The following SCGB2B2 variants were observed in gnomAD, a reference collection of about 807,000 sequenced individuals.
SCGB2B2 encodes the protein secretoglobin family 2B member 2.
Under a neutral mutation model 7.6 loss-of-function variants are expected in SCGB2B2, and 11 were observed. The ratio of observed to expected loss-of-function variants is 1.45; its 90% CI spans 0.91 to 2.40. SCGB2B2 has a LOEUF of 2.40. SCGB2B2 is among the 30% of genes most tolerant of loss of function. SCGB2B2 has a pLI of 0.00. For synonymous variants in SCGB2B2, 50 were observed against 48.6 expected, an observed-to-expected ratio of 1.03 and a Z score of -0.12; for missense variants, 104 against 115.4, an observed-to-expected ratio of 0.90 and a Z score of 0.45.
downstream of SCGB2B2, among the ~76,000 whole-genome samples, chr19:34,586,929 C>T (rs754843514): frequency 1.3e-5 from 2 of 152,108 alleles, no homozygotes; most frequent in Admixed American, 6.5e-5. Context: ...TTCTTTGAGA[C>T]GGAGTTTCAC....
At chr19:34,639,673 C>T (rs1055685467) in intron 1 of SCGB2B2, among the ~76,000 whole-genome samples, 15 of 152,312 alleles carry the variant, frequency 9.8e-5, no homozygotes, top group African/African-American at 3.6e-4. Flanking sequence ...TCTGCTCAAA[C>T]ACCACCAGGA....
intron 1 of SCGB2B2, chr19:34,637,650 GTT>G (rs2066723193): frequency 6.5e-6 from 1 of 154,940 alleles, no homozygotes; most frequent in Non-Finnish European, 1.5e-5. Context: ...TGCTAAAATG[GTT>G]GATAATAAAT....
intron 1 of SCGB2B2, among the ~76,000 whole-genome samples, chr19:34,641,458 T>C (rs993537092): frequency 6.6e-6 from 1 of 152,202 alleles, no homozygotes; most frequent in Non-Finnish European, 1.5e-5. Flanking sequence ...CAAAATCCAA[T>C]GGCTGACCCA....
At chr19:34,612,953 C>A (rs760864872) in intron 1 of SCGB2B2, among the ~76,000 whole-genome samples, 11 of 152,084 alleles carry the variant, frequency 7.2e-5, no homozygotes, top group Non-Finnish European at 1.5e-4. Flanking sequence ...GTCATGGAGT[C>A]ATTTATCCTT....
At chr19:34,612,018 AATTCTTTTTTTTTTT>A (rs1434722684) in intron 1 of SCGB2B2, among the ~76,000 whole-genome samples, 4 of 78,612 alleles carry the variant, frequency 5.1e-5, no homozygotes, top group Admixed American at 1.5e-4. Flanking sequence ...TGTTTTAGAA[AATTCTTTTTTTTTTT>A]TTTTTTTTTT....
intron 1 of SCGB2B2, among the ~76,000 whole-genome samples, chr19:34,659,408 T>C (rs1050042115): frequency 1.3e-5 from 2 of 152,288 alleles, no homozygotes; most frequent in South Asian, 2.1e-4. Context: ...TCAGCCAAAA[T>C]CTCCTTAAGC....
downstream of SCGB2B2, among the ~76,000 whole-genome samples, chr19:34,585,939 AGTT>A (rs1261392875): frequency 7.9e-5 from 12 of 152,244 alleles, no homozygotes; most frequent in Admixed American, 3.3e-4. Flanking sequence ...TGTTTATTAA[AGTT>A]GTTATTTTGT....
At chr19:34,660,369 T>C (rs2067418440) in intron 1 of SCGB2B2, among the ~76,000 whole-genome samples, 1 of 152,086 alleles carries the variant, frequency 6.6e-6, no homozygotes, top group Non-Finnish European at 1.5e-5. Flanking sequence ...TGGAGAAAAT[T>C]TTCGTAATCT....
intron 1 of SCGB2B2, among the ~76,000 whole-genome samples, chr19:34,656,385 C>G (rs1298191851): frequency 6.6e-6 from 1 of 151,302 alleles, no homozygotes; most frequent in African/African-American, 2.5e-5. Flanking sequence ...GGGCAGATCA[C>G]TTGAGCCAGG....
At position 34,611,608 on chromosome 19, in the gene SCGB2B2, T is replaced by C. The variant is rs8106445; in HGVS notation, c.-2031-15014A>G. On this transcript the variant is annotated intron_variant, in intron 1 of 3. Coordinates refer to ENST00000601241, the MANE Select transcript of SCGB2B2 (RefSeq NM_001025591.4). ...GCTGCATCCCCCAGGCTTTTGTATG[T>C]TGCATTTCTATTTTAATTTGTTTCA... is the stretch of plus-strand genomic sequence containing the variant. Among the ~76,000 whole-genome samples the C allele has an allele frequency of 3.2e-3, 481 of 152,094 alleles. 1 individual carries two copies. The highest frequency in any genetic ancestry group is 0.011 in the African/African-American group (458 of 41,506).
intron 1 of SCGB2B2, among the ~76,000 whole-genome samples, chr19:34,652,951 A>T (rs1362751698): frequency 6.6e-6 from 1 of 151,340 alleles, no homozygotes. Context: ...CATGGAATCG[A>T]CTTAAGTGTC....
rs144564676 is a variant in SCGB2B2, at chr19:34,594,767, C to T, written c.-204G>A. Reference sequence around the variant, plus strand: ...CTGGGCCATGCTGTTGGGGTGGCAGCGTATCGGGAACTGGACTCAGCATGC... The same window carrying T: ...CTGGGCCATGCTGTTGGGGTGGCAGTGTATCGGGAACTGGACTCAGCATGC... On this transcript the variant is annotated 5_prime_UTR_variant, in exon 2 of 4. Coordinates refer to ENST00000601241, the MANE Select transcript of SCGB2B2 (RefSeq NM_001025591.4). 8.3e-6 allele frequency: 5 copies of T among 602,264 alleles called. No homozygotes were observed. Among genetic ancestry groups the T allele is most frequent in the Admixed American group, 2.5e-5 (1 of 40,076 alleles). 37.3% of individuals were successfully genotyped at this position (602,264 alleles called of 1,614,324 possible).
At position 34,595,553 on chromosome 19, in the gene SCGB2B2, T is replaced by C. The variant is rs74423165; in HGVS notation, c.-990A>G. The C allele has an allele frequency of 0.013, 2,047 of 152,632 alleles. 15 individuals carry two copies. Among genetic ancestry groups the C allele is most frequent in the Middle Eastern group, 0.024 (7 of 294 alleles). The allele number at this position is 152,632 out of a possible 1,614,324, so 9.5% of individuals were successfully genotyped here. A position where few individuals can be genotyped will look rare whatever the true frequency, so the allele number is the denominator to read the frequency against. ...TGTTTCAAAGAAGTGTCTTTCTCCCTGAGCACAGTGTTTACAGAGAAGACA... is the reference window on the plus strand; with the variant it reads ...TGTTTCAAAGAAGTGTCTTTCTCCCCGAGCACAGTGTTTACAGAGAAGACA... On this transcript the variant is annotated 5_prime_UTR_variant, in exon 2 of 4. Transcript: ENST00000601241.
intron 1 of SCGB2B2, among the ~76,000 whole-genome samples, chr19:34,614,527 A>T: frequency 6.6e-6 from 1 of 151,922 alleles, no homozygotes; most frequent in Non-Finnish European, 1.5e-5. Context: ...GATTTTATTG[A>T]ATTGTGTCTG....
intron 1 of SCGB2B2, among the ~76,000 whole-genome samples, chr19:34,613,196 T>A (rs1420107953): frequency 6.6e-6 from 1 of 152,048 alleles, no homozygotes; most frequent in East Asian, 1.9e-4. Flanking sequence ...CCTCCTGGGT[T>A]CAAGTGATTC....
chr19:34,611,591 C>A (rs1184666099), intron 1 of SCGB2B2, among the ~76,000 whole-genome samples: 1 of 151,856 alleles, frequency 6.6e-6, no homozygotes, highest in East Asian at 1.9e-4. Context: ...CTGCTGCATC[C>A]CCCAGGCTTT....
chr19:34,660,259 GC>G (rs1465667234), intron 1 of SCGB2B2, among the ~76,000 whole-genome samples: 1 of 152,162 alleles, frequency 6.6e-6, no homozygotes, highest in African/African-American at 2.4e-5. Flanking sequence ...AAAAGCAATG[GC>G]AACAAAAGCC....
chr19:34,594,450 A>C, intron 2 of SCGB2B2, 53 bp downstream of exon 2: 1 of 1,604,194 alleles, frequency 6.2e-7, no homozygotes, highest in Non-Finnish European at 8.5e-7. Context: ...TGGTGATGAG[A>C]GTGAAGGAGC....
intron 1 of SCGB2B2, among the ~76,000 whole-genome samples, chr19:34,599,792 T>C (rs2065570449): frequency 6.6e-6 from 1 of 152,050 alleles, no homozygotes; most frequent in Non-Finnish European, 1.5e-5. Context: ...GCCTCTCTTC[T>C]TCCTTCTCCA....
Sources: allele counts gnomAD v4.1 joint callset (sites outside exome capture counted in the v4.1 genomes callset), GRCh38; gene constraint gnomAD v4.1.1; transcripts MANE v1.5; gene names NCBI Gene and HGNC (gene_info 2026-07-23, HGNC 2026-07-21).